PIAS1: variants seen among roughly 807,000 people sequenced by gnomAD.
PIAS1 encodes protein inhibitor of activated STAT 1.
Under a neutral mutation model 71.3 loss-of-function variants are expected in PIAS1, and 6 were observed. The ratio of observed to expected loss-of-function variants is 0.08; its 90% CI spans 0.05 to 0.17. PIAS1 has a LOEUF of 0.17. Ranked by LOEUF, PIAS1 falls within the 10% of genes least tolerant of loss-of-function variation. The pLI is 1.00. For synonymous variants in PIAS1, 303 were observed against 292.9 expected (o/e 1.03, Z -0.35); for missense variants, 555 against 793.6 (o/e 0.70, Z 3.61).
chr15:68,181,489 A>G, intron 12 of PIAS1, 135 bp downstream of exon 12: 1 of 738,564 alleles, frequency 1.4e-6, no homozygotes, highest in Non-Finnish European at 2.2e-6. Context: ...AACTGAGAGA[A>G]ATAATATGCC....
chr15:68,181,965 C>T (rs1329449678), intron 12 of PIAS1: 1 of 152,422 alleles, frequency 6.6e-6, no homozygotes, highest in African/African-American at 2.4e-5. Context: ...GCCACCACGC[C>T]CAGCCCTGTG....
intron 2 of PIAS1, among the ~76,000 whole-genome samples, chr15:68,109,077 TTC>T (rs2092499190): frequency 6.6e-6 from 1 of 152,222 alleles, no homozygotes; most frequent in Admixed American, 6.5e-5. Context: ...TAACTATTCT[TTC>T]TGTTACCTTG....
chr15:68,095,230 C>T (rs2092363840), intron 2 of PIAS1, among the ~76,000 whole-genome samples: 1 of 152,038 alleles, frequency 6.6e-6, no homozygotes, highest in Non-Finnish European at 1.5e-5. Context: ...ATTTAAAGAT[C>T]AGACATCTAG....
chr15:68,151,441 A>G (rs943948216), intron 6 of PIAS1, among the ~76,000 whole-genome samples: 11 of 152,062 alleles, frequency 7.2e-5, no homozygotes, highest in African/African-American at 2.7e-4. Context: ...ATAGTTTCAC[A>G]TTGTTAATTA....
intron 1 of PIAS1, among the ~76,000 whole-genome samples, chr15:68,078,993 T>A (rs1053681721): frequency 6.6e-6 from 1 of 151,500 alleles, no homozygotes; most frequent in African/African-American, 2.4e-5. Context: ...ACAGTTACAA[T>A]GTTGAATTTT....
chr15:68,132,344 C>T (rs1030089151), intron 2 of PIAS1, among the ~76,000 whole-genome samples: 2 of 151,838 alleles, frequency 1.3e-5, no homozygotes, highest in African/African-American at 4.8e-5. Context: ...GCGTGGTGGC[C>T]CTCACCTGTA....
intron 2 of PIAS1, among the ~76,000 whole-genome samples, chr15:68,099,269 T>G (rs1474535364): frequency 6.6e-6 from 1 of 151,388 alleles, no homozygotes; most frequent in Non-Finnish European, 1.5e-5. Context: ...CTTTTTTTTT[T>G]TTTTACTCTT....
intron 1 of PIAS1, among the ~76,000 whole-genome samples, chr15:68,068,946 A>T (rs1597124813): frequency 7.8e-6 from 1 of 127,830 alleles, no homozygotes; most frequent in African/African-American, 3.1e-5. Context: ...CCCAGGCTGG[A>T]GTGCAGTGGC....
intron 7 of PIAS1, among the ~76,000 whole-genome samples, chr15:68,163,718 G>A (rs1381190374): frequency 3.3e-5 from 5 of 152,044 alleles, no homozygotes; most frequent in South Asian, 2.1e-4. Flanking sequence ...CCCTCTCTTC[G>A]TTTTCTTTTC....
rs1250328785 is a variant in PIAS1, at chr15:68,174,838, A to G, written c.1170-799A>G. Among the ~76,000 whole-genome samples, 10 of 152,220 alleles carry G rather than the reference A, an allele frequency of 6.6e-5. No individual in the cohort carries two copies. The highest frequency in any genetic ancestry group is 1.2e-4 in the Non-Finnish European group (8 of 68,042). ...GATGTCAGACCAGTCATGGGAAACA[A>G]ACAAACAAACAACATGTAACTTAAA... On this transcript the variant is annotated intron_variant, in intron 9 of 13. Transcript: ENST00000249636. This position sits in a 1 kb window ranked among gnomAD's most constrained non-coding sequence, Gnocchi z 4.0.
chr15:68,105,056 T>C (rs2092457588), intron 2 of PIAS1, among the ~76,000 whole-genome samples: 1 of 152,154 alleles, frequency 6.6e-6, no homozygotes, highest in South Asian at 2.1e-4. Flanking sequence ...ATCTGATGAC[T>C]CCATTGAGAA....
At chr15:68,183,472 AAGG>A (rs1286625667) in intron 12 of PIAS1, among the ~76,000 whole-genome samples, 155 bp from the exon 13 acceptor site, 13 of 152,232 alleles carry the variant, frequency 8.5e-5, no homozygotes, top group Non-Finnish European at 1.6e-4. Flanking sequence ...AATCTAAAGA[AAGG>A]AGAGACGTAA....
intron 2 of PIAS1, among the ~76,000 whole-genome samples, chr15:68,136,796 A>C (rs546341524): frequency 6.6e-6 from 1 of 152,314 alleles, no homozygotes; most frequent in South Asian, 2.1e-4. Context: ...AATATAGCCC[A>C]AATGAAATTT....
In PIAS1 at chr15:68,086,506, G is replaced by C; in HGVS notation, c.225G>C (p.Leu75Phe). ...FPQKIMTPAD[L>F]SIPNVHSSPM... ...AGAAAATCATGACGCCTGCAGACTTGTCCATCCCCAACGTACATTCAAGTC... is the reference window on the plus strand; with the variant it reads ...AGAAAATCATGACGCCTGCAGACTTCTCCATCCCCAACGTACATTCAAGTC... Residue 75 changes from leucine to phenylalanine, a missense_variant, in exon 2 of 14, where the codon TTG becomes TTC. Leu to Phe is a conservative substitution (Grantham distance 22). This residue lies in a region of PIAS1 where 80 missense variants were observed against 66.9 expected (regional missense o/e 1.20). Transcript: ENST00000249636. The surrounding 1 kb of genome is among the most constrained non-coding windows in gnomAD (Gnocchi z 7.2). The C allele has an allele frequency of 1.2e-6, 2 of 1,613,908 alleles. No individual in the cohort carries two copies. The highest frequency in any genetic ancestry group is 8.5e-7 in the Non-Finnish European group (1 of 1,179,840).
intron 8 of PIAS1, among the ~76,000 whole-genome samples, chr15:68,165,700 AT>A (rs1166876405): frequency 6.6e-6 from 1 of 152,242 alleles, no homozygotes; most frequent in African/African-American, 2.4e-5. Flanking sequence ...TCTCAAAAAA[AT>A]GTTATACTAA....
At chr15:68,105,226 C>T (rs1452102750) in intron 2 of PIAS1, among the ~76,000 whole-genome samples, 2 of 152,246 alleles carry the variant, frequency 1.3e-5, no homozygotes, top group African/African-American at 4.8e-5. Context: ...TTACTATTTA[C>T]CAGATAATCT....
chr15:68,180,074 G>A (rs1317413482), intron 11 of PIAS1, among the ~76,000 whole-genome samples: 1 of 151,866 alleles, frequency 6.6e-6, no homozygotes, highest in East Asian at 1.9e-4. Context: ...TACTATAATT[G>A]TTTTTCTTTT....
At chr15:68,140,351 A>G (rs1218366710) in intron 2 of PIAS1, among the ~76,000 whole-genome samples, 5 of 152,356 alleles carry the variant, frequency 3.3e-5, no homozygotes, top group South Asian at 4.1e-4. Context: ...GGCTAAGTCT[A>G]CTGGACTAAA....
At chr15:68,113,592 G>T (rs190809057) in intron 2 of PIAS1, among the ~76,000 whole-genome samples, 6 of 152,046 alleles carry the variant, frequency 3.9e-5, no homozygotes, top group African/African-American at 1.4e-4. Context: ...CTGCTTGGGA[G>T]TCTTTATAGA....
Sources: gnomAD v4.1 joint callset for allele counts (sites outside exome capture counted in the v4.1 genomes callset) on GRCh38, gnomAD v4.1.1 for gene constraint, gnomAD v4.1.1 regional missense constraint, Gnocchi (gnomAD v3.1) non-coding constraint, MANE v1.5 for transcripts, NCBI Gene and HGNC (gene_info 2026-07-23, HGNC 2026-07-21) for gene names.